The following POTEF variants were observed in gnomAD, a reference collection of about 807,000 sequenced individuals.
The protein encoded by POTEF is POTE ankyrin domain family member F.
Under a neutral mutation model 83.2 loss-of-function variants are expected in POTEF, and 20 were observed. That is an observed-to-expected ratio of 0.24 (90% confidence interval 0.17 to 0.35). POTEF has a LOEUF of 0.35. POTEF is among the 10% of genes least tolerant of loss of function. The probability of loss-of-function intolerance (pLI) is 1.00; values close to 1 mark genes in which losing one functional copy is unlikely to be tolerated. For missense variants in POTEF, 550 were observed against 1,203.2 expected, an observed-to-expected ratio of 0.46 and a Z score of 8.03; for synonymous variants, 196 against 446.4, an observed-to-expected ratio of 0.44 and a Z score of 7.07.
Position 130,107,929 on chromosome 2 carries a change from T to C in POTEF, c.1126+80A>G, listed in dbSNP as rs540057429. The C allele has an allele frequency of 1.7e-5, 26 of 1,559,852 alleles. No individual in the cohort carries two copies. In the East Asian group the frequency reaches 2.8e-4, roughly 17 times the overall value. On this transcript the variant is annotated intron_variant, in intron 8 of 16. Coordinates refer to ENST00000409914, the MANE Select transcript of POTEF (RefSeq NM_001099771.2). ...CACCCTCCCCCAGCCCATGGAAAAA[T>C]TGTCTTCCACAAAACCGGTCCCTGG...
At chr2:130,076,033 A>G (rs1271483473) in intron 16 of POTEF, among the ~76,000 whole-genome samples, 2 of 117,186 alleles carry the variant, frequency 1.7e-5, no homozygotes, top group Non-Finnish European at 3.6e-5. Context: ...ATATTTGGAC[A>G]GAAGCAATTT....
At chr2:130,094,672 T>C (rs1287235604) in intron 11 of POTEF, among the ~76,000 whole-genome samples, 2 of 25,352 alleles carry the variant, frequency 7.9e-5, no homozygotes, top group Admixed American at 5.0e-4. Context: ...GGCCGCCTTA[T>C]GCAAGGGCCA....
chr2:130,124,869 CAGAAAA>C (rs1685059080), intron 2 of POTEF, among the ~76,000 whole-genome samples: 1 of 135,512 alleles, frequency 7.4e-6, no homozygotes, highest in African/African-American at 2.9e-5. Flanking sequence ...GACAACTGAG[CAGAAAA>C]AGAAAAACTT....
rs1683693657 is a variant in POTEF at position 130,073,923 on chromosome 2, C to T, written c.*321G>A. The stretch of plus-strand genomic sequence containing the variant: ...CTAGGGAGAGGACTGGGCCATTCTC[C>T]TTAGAGAGAAGTGGGGTGGCTTTTA... On this transcript the variant is annotated 3_prime_UTR_variant, in exon 17 of 17. Transcript: ENST00000409914. 3.9e-6 allele frequency: 2 copies of T among 513,892 alleles called. No homozygotes were observed. Among genetic ancestry groups the T allele is most frequent in the African/African-American group, 3.9e-5 (2 of 51,948 alleles). 31.8% of individuals were successfully genotyped at this position (513,892 alleles called of 1,614,324 possible). A position where few individuals can be genotyped will look rare whatever the true frequency, so the allele number is the denominator to read the frequency against.
rs767909910 is a variant in POTEF at position 130,075,153 on chromosome 2, G to A, written c.2319C>T (p.His773=). 95 of 1,613,466 alleles carry A rather than the reference G, an allele frequency of 5.9e-5. 1 individual carries two copies. Among genetic ancestry groups the A allele is most frequent in the Middle Eastern group, 3.4e-4 (2 of 5,886 alleles). The change falls in exon 17 of 17, where the codon CAC becomes CAT. Residue 773 remains histidine (H), a synonymous_variant. Coordinates refer to ENST00000409914, the MANE Select transcript of POTEF (RefSeq NM_001099771.2). The part of the protein sequence containing the change: ...GILTLKYPME[H]GIITNWDDME... ...TGTCATCCCAGTTGGTGATGATGCC[G>A]TGTTCCATGGGGTACTTCAGGGTCA...
At chr2:130,117,946 CTTTTT>C (rs1259352332) in intron 3 of POTEF, among the ~76,000 whole-genome samples, 5 of 40,070 alleles carry the variant, frequency 1.2e-4, no homozygotes, top group Non-Finnish European at 2.7e-4. Flanking sequence ...TTTTTTTTTT[CTTTTT>C]TTTTTTTGAG....
intron 3 of POTEF, among the ~76,000 whole-genome samples, chr2:130,118,087 C>T (rs1275437232): frequency 7.2e-5 from 11 of 151,772 alleles, no homozygotes; most frequent in African/African-American, 1.9e-4. Context: ...ATTACAGGTG[C>T]GTGCCACCAT....
rs1403140661 is a variant in POTEF, at chr2:130,112,387, T to C, written c.811-286A>G. Among the ~76,000 whole-genome samples the C allele has an allele frequency of 5.6e-5, 5 of 89,236 alleles. 1 individual carries two copies. Among genetic ancestry groups the C allele is most frequent in the East Asian group, 6.4e-4 (2 of 3,138 alleles). 58.5% of individuals were successfully genotyped at this position (89,236 alleles called of 152,430 possible). A position where few individuals can be genotyped will look rare whatever the true frequency, so the allele number is the denominator to read the frequency against. ...TAAACCAGCATTTGGCTTGGTGTTA[T>C]TGGATGATAATATTTTTCCCATCTA... On this transcript the variant is annotated intron_variant, in intron 5 of 16. Transcript: ENST00000409914.
rs1256304495 is a variant in POTEF at position 130,120,384 on chromosome 2, G to A, written c.132C>T (p.Gly44=). 2 of 1,612,444 alleles carry A rather than the reference G, an allele frequency of 1.2e-6. No homozygotes were observed. The highest frequency in any genetic ancestry group is 1.7e-6 in the Non-Finnish European group (2 of 1,179,436). Residue 44 remains glycine, a synonymous_variant, in exon 3 of 17, where the codon GGC becomes GGT. Coordinates refer to ENST00000409914, the MANE Select transcript of POTEF (RefSeq NM_001099771.2). ...CAGAGTCGTCGTGGTCTCCAGAAGT[G>A]CCCACGTTGCTCTTGCCGCTCTCCC... is the stretch of plus-strand genomic sequence containing the variant. ...CCRESGKSNV[G]TSGDHDDSAM...
intron 1 of POTEF, among the ~76,000 whole-genome samples, chr2:130,128,868 T>G (rs1296185475): frequency 1.4e-5 from 1 of 73,676 alleles, no homozygotes; most frequent in Non-Finnish European, 2.5e-5. Context: ...ACAACCTGCC[T>G]CCCCCCCATC....
intron 3 of POTEF, among the ~76,000 whole-genome samples, chr2:130,117,063 T>A (rs1684864087): frequency 6.6e-6 from 1 of 151,262 alleles, no homozygotes; most frequent in African/African-American, 2.5e-5. Context: ...AGTTCAATAT[T>A]TTCAAAGAAA....
At chr2:130,127,035 A>T (rs1288290443) in intron 2 of POTEF, among the ~76,000 whole-genome samples, 1 of 152,086 alleles carries the variant, frequency 6.6e-6, no homozygotes, top group East Asian at 1.9e-4. Flanking sequence ...AAAGAAGGAA[A>T]AAATGGCCGG....
At chr2:130,086,458 GT>G in intron 13 of POTEF, 71 bp from the exon 14 acceptor site, 2 of 1,233,842 alleles carry the variant, frequency 1.6e-6, no homozygotes, top group Non-Finnish European at 2.3e-6. Context: ...TGGAGTGCAT[GT>G]TTTTAAAATA....
chr2:130,120,732 C>T (rs1372666437), intron 2 of POTEF, 124 bp from the exon 3 acceptor site: 4 of 864,364 alleles, frequency 4.6e-6, no homozygotes, highest in Non-Finnish European at 3.4e-6. Context: ...CCCCCCTGGG[C>T]GACCCCACGC....
chr2:130,076,753 A>G lies in POTEF; in HGVS notation c.1899+328T>C, dbSNP rs1228964552. On this transcript the variant is annotated intron_variant, in intron 16 of 16. Coordinates refer to ENST00000409914, the MANE Select transcript of POTEF (RefSeq NM_001099771.2). ...TGACTTCTCTATTAACATTTTTTAAAAAACTAATGTCCAAAAACGAGAAAA... is the reference window on the plus strand; with the variant it reads ...TGACTTCTCTATTAACATTTTTTAAGAAACTAATGTCCAAAAACGAGAAAA... Among the ~76,000 whole-genome samples, 5 of 151,042 alleles carry G rather than the reference A, an allele frequency of 3.3e-5. No individual in the cohort carries two copies. In the East Asian group the frequency reaches 9.7e-4, roughly 29 times the overall value.
intron 2 of POTEF, among the ~76,000 whole-genome samples, chr2:130,127,311 C>T (rs1381118602): frequency 3.9e-5 from 4 of 101,362 alleles, no homozygotes; most frequent in Non-Finnish European, 5.2e-5. Context: ...GGCAAAAGAG[C>T]GAGACTCTGT....
chr2:130,127,105 A>T (rs1685110220), intron 2 of POTEF, among the ~76,000 whole-genome samples: 1 of 151,782 alleles, frequency 6.6e-6, no homozygotes, highest in African/African-American at 2.4e-5. Flanking sequence ...GTGGATCATG[A>T]GGTCAGGTGA....
intron 3 of POTEF, among the ~76,000 whole-genome samples, chr2:130,118,661 A>C (rs900861470): frequency 3.3e-5 from 5 of 150,564 alleles, no homozygotes; most frequent in Admixed American, 1.3e-4. Context: ...GCACTACTGC[A>C]CTCCAGCCGG....
chr2:130,115,606 T>TA (rs1405891212), intron 3 of POTEF, among the ~76,000 whole-genome samples: 1 of 152,160 alleles, frequency 6.6e-6, no homozygotes, highest in Non-Finnish European at 1.5e-5. Context: ...GGCTGTTGCT[T>TA]AGCCTTTTGG....
Sources: gnomAD v4.1 joint callset for allele counts (sites outside exome capture counted in the v4.1 genomes callset) on GRCh38, gnomAD v4.1.1 for gene constraint, MANE v1.5 for transcripts, NCBI Gene and HGNC (gene_info 2026-07-23, HGNC 2026-07-21) for gene names.